Variants in RHBDF2 observed in about 807,000 individuals in gnomAD.
RHBDF2 encodes rhomboid 5 homolog 2.
In RHBDF2, 38 loss-of-function variants were observed where a neutral mutation model predicts 95.2. The ratio of observed to expected loss-of-function variants is 0.40; its 90% confidence interval spans 0.31 to 0.52. The LOEUF is 0.52. RHBDF2 is among the 20% of genes least tolerant of loss of function. The pLI is 0.56. For missense variants in RHBDF2, 863 were observed against 1,137.7 expected (o/e 0.76, Z 3.47); for synonymous variants, 442 against 462.0 (o/e 0.96, Z 0.55).
chr17:76,489,628 T>C (rs1384342458), intron 1 of RHBDF2, among the ~76,000 whole-genome samples: 4 of 152,190 alleles, frequency 2.6e-5, no homozygotes, highest in Non-Finnish European at 5.9e-5. Context: ...CAGCCGCCTG[T>C]TTGTTTTTAA....
chr17:76,483,587 A>C (rs1304775099), intron 2 of RHBDF2, among the ~76,000 whole-genome samples: 1 of 152,148 alleles, frequency 6.6e-6, no homozygotes, highest in Non-Finnish European at 1.5e-5. Flanking sequence ...ACCCGGCCCT[A>C]GGCCTCTTGT....
At position 76,477,102 on chromosome 17, in the gene RHBDF2, T is replaced by C. The variant is rs539523631; in HGVS notation, c.920+78A>G. ...CCCCACCAGGGTGCTCAGAAGGGGC[T>C]TGGGGGCCAGGGTGAGGTCTGGGGA... On this transcript the variant is annotated intron_variant, in intron 8 of 18. Coordinates refer to ENST00000675367, the MANE Select transcript of RHBDF2 (RefSeq NM_001005498.4). 1.3e-5 allele frequency: 21 copies of C among 1,610,668 alleles called. No individual in the cohort carries two copies. The Admixed American group carries it at 3.2e-4, about 25-fold the overall frequency.
At position 76,473,676 on chromosome 17, in the gene RHBDF2, G is replaced by A; in HGVS notation, c.1705C>T (p.Arg569Cys). 1 of 1,611,022 alleles carries A rather than the reference G, an allele frequency of 6.2e-7. No homozygotes were observed. Among genetic ancestry groups the A allele is most frequent in the Non-Finnish European group, 8.5e-7 (1 of 1,178,984 alleles). Residue 569 changes from arginine (R) to cysteine (C), a missense_variant, in exon 15 of 19, where the codon CGC (arginine) becomes TGC (cysteine). Arg to Cys is a radical substitution (Grantham distance 180, BLOSUM62 -3). Around this residue, in one of 2 missense-constraint regions of RHBDF2, gnomAD observed 252 missense variants for 412.2 expected, o/e 0.61. Coordinates refer to ENST00000675367, the MANE Select transcript of RHBDF2 (RefSeq NM_001005498.4). ...FLHMDCEIKG[R>C]PCCIGTKGSC... ...CCCTTGGTGCCGATGCAGCAGGGGC[G>A]GCCCTTGATCTCGCAGTCCATGTGC...
In RHBDF2 at chr17:76,492,315, T is replaced by G. The variant is rs375067848; in HGVS notation, c.-219-4406A>C. Among the ~76,000 whole-genome samples, 9 of 152,148 alleles carry G rather than the reference T, an allele frequency of 5.9e-5. No individual in the cohort carries two copies. The East Asian group carries it at 9.6e-4, about 16-fold the overall frequency. ...GGCTCAGGGCCTCCCCCACTGCAGA[T>G]AGCTTTGGAGACAGCATAACCCAGC... On this transcript the variant is annotated intron_variant, in intron 1 of 18. Coordinates refer to ENST00000675367, the MANE Select transcript of RHBDF2 (RefSeq NM_001005498.4).
At chr17:76,484,127 G>A (rs928725498) in intron 2 of RHBDF2, among the ~76,000 whole-genome samples, 2 of 152,108 alleles carry the variant, frequency 1.3e-5, no homozygotes, top group African/African-American at 2.4e-5. Flanking sequence ...GCTGGGTGTG[G>A]TGGCGCATGC....
In RHBDF2 at chr17:76,471,350, G is replaced by T; in HGVS notation, c.*283C>A. Reference sequence around the variant, plus strand: ...CCAGGAGATGGTCTCAGCAAGGAGCGGGATATTAGGAACTGAGACCCAAGA... The same window carrying T: ...CCAGGAGATGGTCTCAGCAAGGAGCTGGATATTAGGAACTGAGACCCAAGA... On this transcript the variant is annotated 3_prime_UTR_variant, in exon 19 of 19. Transcript: ENST00000675367. 1 of 437,872 alleles carries T rather than the reference G, an allele frequency of 2.3e-6. No homozygotes were observed. The highest frequency in any genetic ancestry group is 3.9e-5 in the East Asian group (1 of 25,690). The allele number at this position is 437,872 out of a possible 1,614,324, so 27.1% of individuals were successfully genotyped here.
chr17:76,474,982 C>T, intron 10 of RHBDF2, 48 bp downstream of exon 10: 1 of 1,504,806 alleles, frequency 6.6e-7, no homozygotes, highest in South Asian at 1.2e-5. Context: ...ACACTGAGGC[C>T]TCCTAGGAGA....
chr17:76,492,248 C>A (rs941580918), intron 1 of RHBDF2, among the ~76,000 whole-genome samples: 11 of 152,286 alleles, frequency 7.2e-5, no homozygotes, highest in African/African-American at 2.6e-4. Context: ...CAGATCACCC[C>A]CAGGTCCCAT....
intron 6 of RHBDF2, among the ~76,000 whole-genome samples, chr17:76,478,594 G>A (rs1387836073): frequency 6.6e-6 from 1 of 152,160 alleles, no homozygotes; most frequent in Non-Finnish European, 1.5e-5. Flanking sequence ...CTTGGCAGGG[G>A]GTCACACGAG....
chr17:76,472,389 G>GTGTAGAT, intron 18 of RHBDF2: 2 of 567,124 alleles, frequency 3.5e-6, no homozygotes, highest in Non-Finnish European at 3.2e-6. Flanking sequence ...TGCCGACGGC[G>GTGTAGAT]CACGGAGGCC....
chr17:76,493,904 G>A (rs904971099), intron 1 of RHBDF2, among the ~76,000 whole-genome samples: 1 of 152,244 alleles, frequency 6.6e-6, no homozygotes, highest in Non-Finnish European at 1.5e-5. Context: ...CTCGAACTCA[G>A]TTCAGAAGAT....
At chr17:76,496,715 C>T (rs2144460466) in intron 1 of RHBDF2, among the ~76,000 whole-genome samples, 1 of 152,302 alleles carries the variant, frequency 6.6e-6, no homozygotes, top group African/African-American at 2.4e-5. Flanking sequence ...TGTTCCCACT[C>T]CAAACCCCAC....
chr17:76,472,593 CCG>C (rs1567871404), intron 18 of RHBDF2, 91 bp downstream of exon 18: 4 of 1,530,974 alleles, frequency 2.6e-6, no homozygotes, highest in Non-Finnish European at 3.6e-6. Context: ...AGGAGGGGCA[CCG>C]TGTCCCTCTG....
intron 8 of RHBDF2, 39 bp from the exon 9 acceptor site, chr17:76,477,063 A>G: frequency 6.2e-7 from 1 of 1,611,582 alleles, no homozygotes; most frequent in Non-Finnish European, 8.5e-7. Flanking sequence ...ATCCCCCACC[A>G]AAATACTCCC....
At position 76,479,853 on chromosome 17, in the gene RHBDF2, C is replaced by G. The variant is rs145785567; in HGVS notation, c.152G>C (p.Arg51Thr). ...PGEQDSMLPE[R>T]KNPAYLKSVS... is the part of the protein sequence containing the mutation. ...GCTCTTCAAGTAGGCTGGGTTCTTC[C>G]TCTTGGGGAGGAAGGAGGGAGGGCA... Residue 51 changes from arginine to threonine, a missense_variant and splice_region_variant, in exon 4 of 19, where the codon AGG becomes ACG. By Grantham distance (71) the Arg-to-Thr change is moderately conservative. This residue lies in a region of RHBDF2 where 611 missense variants were observed against 725.5 expected (regional missense o/e 0.84). Coordinates refer to ENST00000675367, the MANE Select transcript of RHBDF2 (RefSeq NM_001005498.4). 9.4e-5 allele frequency: 151 copies of G among 1,612,466 alleles called. 1 individual carries two copies. The highest frequency in any genetic ancestry group is 1.1e-4 in the Non-Finnish European group (128 of 1,179,588).
intron 1 of RHBDF2, among the ~76,000 whole-genome samples, chr17:76,498,848 GTGTGTGTC>G (rs2074504082): frequency 6.7e-6 from 1 of 148,852 alleles, no homozygotes; most frequent in Admixed American, 6.8e-5. Flanking sequence ...CTGTGTGTTT[GTGTGTGTC>G]TCTGTGTGTC....
chr17:76,472,592 A>G (rs746728663), intron 18 of RHBDF2, 94 bp downstream of exon 18: 4 of 1,521,448 alleles, frequency 2.6e-6, no homozygotes, highest in Admixed American at 3.4e-5. Context: ...CAGGAGGGGC[A>G]CCGTGTCCCT....
chr17:76,479,069 C>T lies in RHBDF2; in HGVS notation c.468+13G>A. ...GGGTCCCCACCCCTGCCTCCTTTCCCCATGGATCCCACCTTGGGCATCTTG... is the reference window on the plus strand; with the variant it reads ...GGGTCCCCACCCCTGCCTCCTTTCCTCATGGATCCCACCTTGGGCATCTTG... On this transcript the variant is annotated intron_variant, in intron 5 of 18. Coordinates refer to ENST00000675367, the MANE Select transcript of RHBDF2 (RefSeq NM_001005498.4). 6.8e-6 allele frequency: 11 copies of T among 1,613,428 alleles called. No individual in the cohort carries two copies. Among genetic ancestry groups the T allele is most frequent in the Non-Finnish European group, 9.3e-6 (11 of 1,179,866 alleles).
chr17:76,475,015 C>A lies in RHBDF2; in HGVS notation c.1227+15G>T. 2 of 1,562,870 alleles carry A rather than the reference C, an allele frequency of 1.3e-6. No individual in the cohort carries two copies. Among genetic ancestry groups the A allele is most frequent in the Non-Finnish European group, 1.7e-6 (2 of 1,150,736 alleles). On this transcript the variant is annotated intron_variant, in intron 10 of 18. Transcript: ENST00000675367. ...AGAGGCTGGGACCCCCAGCATGGAG[C>A]CTGACCCGACTCACCAGCTGGGTGG...
Sources: allele counts gnomAD v4.1 joint callset (sites outside exome capture counted in the v4.1 genomes callset), GRCh38; gene constraint gnomAD v4.1.1; regional missense constraint gnomAD v4.1.1; transcripts MANE v1.5; gene names NCBI Gene and HGNC (gene_info 2026-07-23, HGNC 2026-07-21).